The following KCNQ3 variants were observed in gnomAD, a reference collection of about 807,000 sequenced individuals.
KCNQ3 encodes the protein potassium voltage-gated channel subfamily KQT member 3.
KCNQ3 carries 30 observed loss-of-function variants against 92.5 expected under a neutral mutation model. The observed-to-expected ratio is 0.32, with a 90% CI of 0.24 to 0.44. KCNQ3 has a LOEUF of 0.44. Among genes scored for constraint, KCNQ3 ranks in the 20% least tolerant of loss-of-function variants. KCNQ3 has a pLI of 1.00. For missense variants in KCNQ3, 913 were observed against 1,140.3 expected (o/e 0.80, Z 2.87); for synonymous variants, 450 against 468.8 (o/e 0.96, Z 0.52).
chr8:132,273,268 A>G (rs1816216788), intron 1 of KCNQ3, among the ~76,000 whole-genome samples: 1 of 152,230 alleles, frequency 6.6e-6, no homozygotes, highest in South Asian at 2.1e-4. Context: ...ACAAACCTCA[A>G]TTCTTGACTT....
At chr8:132,326,196 G>A (rs1253047896) in intron 1 of KCNQ3, among the ~76,000 whole-genome samples, 1 of 152,184 alleles carries the variant, frequency 6.6e-6, no homozygotes, top group Non-Finnish European at 1.5e-5. Context: ...TGGCATGAGT[G>A]CAGAAGGTGG....
At chr8:132,339,322 T>C (rs890372930) in intron 1 of KCNQ3, among the ~76,000 whole-genome samples, 34 of 152,214 alleles carry the variant, frequency 2.2e-4, no homozygotes, top group Non-Finnish European at 4.4e-4. Flanking sequence ...ATTCATTCAT[T>C]CCACCAACTC....
chr8:132,391,679 C>A (rs1289783677), intron 1 of KCNQ3, among the ~76,000 whole-genome samples: 1 of 152,162 alleles, frequency 6.6e-6, no homozygotes, highest in Non-Finnish European at 1.5e-5. Context: ...AGAGAGAAAA[C>A]ATCTTCCCCC....
chr8:132,402,613 A>G (rs1820368463), intron 1 of KCNQ3, among the ~76,000 whole-genome samples: 1 of 152,198 alleles, frequency 6.6e-6, no homozygotes, highest in South Asian at 2.1e-4. Context: ...CAGTAAAACT[A>G]TTCTGTAGGA....
chr8:132,429,349 C>A (rs892401461), intron 1 of KCNQ3, among the ~76,000 whole-genome samples: 2 of 152,160 alleles, frequency 1.3e-5, no homozygotes. Flanking sequence ...GCATCAGTAG[C>A]TCTATATGAC....
chr8:132,214,485 T>C (rs1318072407), intron 1 of KCNQ3, among the ~76,000 whole-genome samples: 1 of 152,222 alleles, frequency 6.6e-6, no homozygotes, highest in Admixed American at 6.5e-5. Flanking sequence ...TTGGTGGCGT[T>C]ATGGGGTGGG....
At chr8:132,185,317 A>T (rs988435729) in intron 2 of KCNQ3, among the ~76,000 whole-genome samples, 1 of 152,252 alleles carries the variant, frequency 6.6e-6, no homozygotes, top group Non-Finnish European at 1.5e-5. Context: ...GCCTCACCCC[A>T]TGCAGTCGGC....
intron 7 of KCNQ3, 100 bp downstream of exon 7, chr8:132,172,493 TATGTC>T: frequency 2.0e-6 from 2 of 1,024,534 alleles, no homozygotes; most frequent in Non-Finnish European, 3.1e-6. Context: ...AGTTCATGAG[TATGTC>T]CCCTCCACAT....
At chr8:132,219,174 C>G (rs1436809090) in intron 1 of KCNQ3, among the ~76,000 whole-genome samples, 1 of 152,150 alleles carries the variant, frequency 6.6e-6, no homozygotes, top group Non-Finnish European at 1.5e-5. Flanking sequence ...TTTTCTGGAA[C>G]TCCAGTGTGC....
intron 14 of KCNQ3, among the ~76,000 whole-genome samples, chr8:132,130,490 G>C (rs1283653118): frequency 6.6e-6 from 1 of 152,168 alleles, no homozygotes; most frequent in East Asian, 1.9e-4. Context: ...TGCAAGCCTT[G>C]CACACCAGGT....
chr8:132,417,221 C>T (rs2130805516), intron 1 of KCNQ3, among the ~76,000 whole-genome samples: 1 of 152,266 alleles, frequency 6.6e-6, no homozygotes, highest in South Asian at 2.1e-4. Flanking sequence ...GGTGAAGCCC[C>T]TGGGATTGGC....
chr8:132,286,045 T>C (rs1816670876), intron 1 of KCNQ3, among the ~76,000 whole-genome samples: 1 of 152,202 alleles, frequency 6.6e-6, no homozygotes. Context: ...TGGCTTTCTC[T>C]ACCTAGATTT....
chr8:132,227,844 A>C (rs1396302049), intron 1 of KCNQ3, among the ~76,000 whole-genome samples: 1 of 152,226 alleles, frequency 6.6e-6, no homozygotes, highest in South Asian at 2.1e-4. Flanking sequence ...GGGAAGAGGT[A>C]GTCTTTCACA....
chr8:132,167,781 C>T (rs960826593), intron 8 of KCNQ3, among the ~76,000 whole-genome samples: 2 of 152,210 alleles, frequency 1.3e-5, no homozygotes, highest in Admixed American at 1.3e-4. Flanking sequence ...AGGACAATGC[C>T]TTATTTATAA....
At chr8:132,348,754 T>C (rs141347354) in intron 1 of KCNQ3, among the ~76,000 whole-genome samples, 2 of 152,296 alleles carry the variant, frequency 1.3e-5, no homozygotes, top group African/African-American at 4.8e-5. Flanking sequence ...TGAAAGTGAC[T>C]CCTTCTTGAC....
chr8:132,141,089 A>G, intron 10 of KCNQ3, 40 bp downstream of exon 10: 1 of 1,572,964 alleles, frequency 6.4e-7, no homozygotes, highest in African/African-American at 1.3e-5. Flanking sequence ...TGGGGGAGGA[A>G]GAAGTGGAAG....
intron 1 of KCNQ3, among the ~76,000 whole-genome samples, chr8:132,219,598 G>T (rs1433397699): frequency 6.6e-6 from 1 of 151,426 alleles, no homozygotes; most frequent in Non-Finnish European, 1.5e-5. Context: ...CCTAAAAATG[G>T]TCTTTGCACC....
chr8:132,425,695 G>A (rs1338411468), intron 1 of KCNQ3, among the ~76,000 whole-genome samples: 1 of 152,188 alleles, frequency 6.6e-6, no homozygotes, highest in Non-Finnish European at 1.5e-5. Context: ...ACTCCTGGGG[G>A]ACTCCTGCTG....
At chr8:132,375,482 T>C (rs111387833) in intron 1 of KCNQ3, among the ~76,000 whole-genome samples, 1,806 of 152,270 alleles carry the variant, frequency 0.012, 32 homozygotes, top group African/African-American at 0.042. Flanking sequence ...TACACCCCTG[T>C]GAGAATGCGA....
Sources: allele counts gnomAD v4.1 joint callset (sites outside exome capture counted in the v4.1 genomes callset), GRCh38; gene constraint gnomAD v4.1.1; transcripts MANE v1.5; gene names NCBI Gene and HGNC (gene_info 2026-07-23, HGNC 2026-07-21).